The following DOCK11 variants were observed in gnomAD, a reference collection of about 807,000 sequenced individuals.
The protein encoded by DOCK11 is dedicator of cytokinesis protein 11.
A neutral mutation model predicts 169.1 loss-of-function variants in DOCK11; 70 were observed. That is an observed-to-expected ratio of 0.41 (90% confidence interval 0.34 to 0.51). The LOEUF (loss-of-function observed/expected upper bound fraction) is 0.51, where lower values mean the gene tolerates loss of function less well. Among genes scored for constraint, DOCK11 ranks in the 20% least tolerant of loss-of-function variants. The pLI, the probability that DOCK11 is intolerant of heterozygous loss-of-function variation, is 0.10. For synonymous variants in DOCK11, 529 were observed against 541.3 expected (o/e 0.98, Z 0.32); for missense variants, 1,166 against 1,538.8 (o/e 0.76, Z 4.05).
intron 1 of DOCK11, among the ~76,000 whole-genome samples, chrX:118,538,130 TGAA>T (rs747884564): frequency 1.2e-4 from 13 of 112,412 alleles, no homozygotes; most frequent in African/African-American, 3.9e-4. Flanking sequence ...ATATTTGATT[TGAA>T]GAAAAATATG....
intron 47 of DOCK11, 52 bp downstream of exon 47, chrX:118,676,101 A>G: frequency 1.2e-6 from 1 of 837,169 alleles, no homozygotes; most frequent in South Asian, 2.3e-5. Context: ...TCACCTTTGA[A>G]TTACTAGTTT....
intron 1 of DOCK11, among the ~76,000 whole-genome samples, chrX:118,524,018 A>C (rs1434657213): frequency 8.9e-6 from 1 of 111,986 alleles, no homozygotes; most frequent in Admixed American, 9.5e-5. Context: ...GTAGTTAAGA[A>C]CCAGCCAGAA....
At chrX:118,684,143 A>G (rs1364115838) in intron 52 of DOCK11, among the ~76,000 whole-genome samples, 1 of 111,796 alleles carries the variant, frequency 8.9e-6, no homozygotes, top group South Asian at 3.7e-4. Flanking sequence ...CTTGAGCTCC[A>G]TAAATGATTA....
intron 44 of DOCK11, among the ~76,000 whole-genome samples, chrX:118,660,904 C>T (rs955250643): frequency 1.8e-5 from 2 of 110,948 alleles, no homozygotes; most frequent in Non-Finnish European, 3.8e-5. Flanking sequence ...TGTATTTCTC[C>T]CTTCTTGAAA....
At chrX:118,593,403 T>C in intron 20 of DOCK11, 66 bp downstream of exon 20, 3 of 1,051,858 alleles carry the variant, frequency 2.9e-6, no homozygotes, top group Non-Finnish European at 3.8e-6. Flanking sequence ...GGGTATAACC[T>C]CTTTTCACCA....
chrX:118,565,113 AT>A (rs1210589677), intron 7 of DOCK11, among the ~76,000 whole-genome samples: 3 of 104,735 alleles, frequency 2.9e-5, no homozygotes, highest in Admixed American at 2.1e-4. Flanking sequence ...TTTTTTTTGT[AT>A]TTTTTTTGTA....
rs1383477345 is a variant in DOCK11 at position 118,638,114 on chromosome X, A to G, written c.3988A>G (p.Arg1330Gly). The change falls in exon 37 of 53, where the codon AGA becomes GGA. Residue 1330 changes from arginine (R) to glycine (G), a missense_variant. Coordinates refer to ENST00000276202, the MANE Select transcript of DOCK11 (RefSeq NM_144658.4). ...GTTTCACTTTAGATATATGGGGAAA[A>G]GAAACATAGCAAGGTAATTCCCATA... is the stretch of plus-strand genomic sequence containing the variant. ...CLFHFRYMGK[R>G]NIARVHDAWL... 8.3e-6 allele frequency: 10 copies of G among 1,207,503 alleles called. No individual in the cohort carries two copies. Among genetic ancestry groups the G allele is most frequent in the Non-Finnish European group, 1.1e-5 (10 of 892,572 alleles).
chrX:118,597,636 A>G (rs1341634042), intron 21 of DOCK11, 84 bp downstream of exon 21: 8 of 1,108,273 alleles, frequency 7.2e-6, no homozygotes, highest in African/African-American at 1.8e-5. Context: ...GTTTAGTACA[A>G]TGTTACTCAA....
At chrX:118,676,829 A>G in intron 48 of DOCK11, 92 bp downstream of exon 48, 1 of 862,191 alleles carries the variant, frequency 1.2e-6, no homozygotes, top group Non-Finnish European at 1.6e-6. Flanking sequence ...CTGGTAGAGA[A>G]GCATGAAAAC....
chrX:118,623,048 T>A (rs931857778), intron 31 of DOCK11, among the ~76,000 whole-genome samples: 1 of 111,545 alleles, frequency 9.0e-6, no homozygotes, highest in African/African-American at 3.3e-5. Context: ...AAACGCTGTT[T>A]CTACTAAAAA....
Position 118,608,182 on chromosome X carries a change from G to T in DOCK11, c.2751+41G>T, listed in dbSNP as rs41300313. On this transcript the variant is annotated intron_variant, in intron 25 of 52. Coordinates refer to ENST00000276202, the MANE Select transcript of DOCK11 (RefSeq NM_144658.4). ...TTTCTTTCTGAGCAATTTGTTTTAT[G>T]TGACAATTTTGTCTTACAGTTCATT... 7.7e-3 allele frequency: 9,138 copies of T among 1,190,489 alleles called. 31 individuals carry two copies. Among genetic ancestry groups the T allele is most frequent in the Non-Finnish European group, 9.4e-3 (8,344 of 887,375 alleles).
chrX:118,527,163 T>C (rs770804960), intron 1 of DOCK11, among the ~76,000 whole-genome samples: 1 of 112,583 alleles, frequency 8.9e-6, no homozygotes, highest in South Asian at 3.6e-4. Flanking sequence ...GATGAGTGTC[T>C]GCATTTTGGT....
At chrX:118,502,125 C>CT (rs56901298) in intron 1 of DOCK11, among the ~76,000 whole-genome samples, 18,675 of 110,767 alleles carry the variant, frequency 0.17, 1,199 homozygotes, top group African/African-American at 0.22. Context: ...CCAGATGATT[C>CT]TCATGTGCAC....
chrX:118,615,421 C>A (rs1006825845), intron 29 of DOCK11, among the ~76,000 whole-genome samples, 179 bp from the exon 30 acceptor site: 2 of 112,081 alleles, frequency 1.8e-5, no homozygotes, highest in Non-Finnish European at 3.8e-5. Flanking sequence ...AACAAGCAGG[C>A]CTTTTAAAGG....
rs970072302 is a variant in DOCK11, at chrX:118,576,646, G to A, written c.1390-1879G>A. Reference sequence around the variant, plus strand: ...ACTGTGATGGGCACACTGGGTTAGCGCAGTGCAGCGTAGCAGCCAGGAGTA... The same window carrying A: ...ACTGTGATGGGCACACTGGGTTAGCACAGTGCAGCGTAGCAGCCAGGAGTA... On this transcript the variant is annotated intron_variant, in intron 12 of 52. Transcript: ENST00000276202. Among the ~76,000 whole-genome samples the A allele has an allele frequency of 4.5e-5, 5 of 112,248 alleles. No homozygotes were observed. The South Asian group carries it at 1.1e-3, about 25-fold the overall frequency.
At chrX:118,533,414 CTAAAA>C (rs1266139624) in intron 1 of DOCK11, among the ~76,000 whole-genome samples, 1 of 112,323 alleles carries the variant, frequency 8.9e-6, no homozygotes, top group African/African-American at 3.2e-5. Flanking sequence ...TGGTGGAAAA[CTAAAA>C]TATTTGTAGA....
At chrX:118,569,733 A>ATTT (rs3084778) in intron 10 of DOCK11, among the ~76,000 whole-genome samples, 1 of 102,572 alleles carries the variant, frequency 9.7e-6, no homozygotes, top group African/African-American at 3.5e-5. Context: ...AAGTTATGTG[A>ATTT]TTTTTTTTTT....
chrX:118,670,616 C>T (rs755680563), intron 45 of DOCK11, among the ~76,000 whole-genome samples: 2 of 111,659 alleles, frequency 1.8e-5, no homozygotes, highest in Non-Finnish European at 3.8e-5. Context: ...GTCAAATTTT[C>T]TTAAGACTAA....
intron 35 of DOCK11, among the ~76,000 whole-genome samples, chrX:118,634,495 G>A (rs1019270085): frequency 2.7e-5 from 3 of 112,408 alleles, no homozygotes; most frequent in South Asian, 7.3e-4. Context: ...GGTGCTCACC[G>A]TTGGACGCAA....
Sources: gnomAD v4.1 joint callset for allele counts (sites outside exome capture counted in the v4.1 genomes callset) on GRCh38, gnomAD v4.1.1 for gene constraint, MANE v1.5 for transcripts, NCBI Gene and HGNC (gene_info 2026-07-23, HGNC 2026-07-21) for gene names.